The following DRICH1 variants were observed in gnomAD, a reference collection of about 807,000 sequenced individuals.
DRICH1 encodes the protein aspartate-rich protein 1.
In DRICH1, 38 loss-of-function variants were observed where a neutral mutation model predicts 39.5. The observed-to-expected ratio is 0.96, with a 90% CI of 0.74 to 1.26. The LOEUF is 1.26. DRICH1 is among the 50% of genes most tolerant of loss of function. The pLI, the probability that DRICH1 is intolerant of heterozygous loss-of-function variation, is 0.00. For missense variants in DRICH1, 279 were observed against 270.4 expected (o/e 1.03, Z -0.22); for synonymous variants, 84 against 99.5 (o/e 0.84, Z 0.93).
At chr22:23,619,480 G>A in intron 5 of DRICH1, 87 bp from the exon 6 acceptor site, 1 of 753,344 alleles carries the variant, frequency 1.3e-6, no homozygotes, top group East Asian at 2.6e-5. Flanking sequence ...AAAGAACAGT[G>A]TTGGAGGATG....
intron 3 of DRICH1, 37 bp downstream of exon 3, chr22:23,624,846 T>G (rs1927964790): frequency 1.2e-6 from 2 of 1,606,394 alleles, no homozygotes; most frequent in Non-Finnish European, 1.7e-6. Context: ...GCTAGCAAGT[T>G]TGTTTCTCAG....
At chr22:23,618,368 C>G (rs1030475610) in intron 6 of DRICH1, among the ~76,000 whole-genome samples, 1 of 151,996 alleles carries the variant, frequency 6.6e-6, no homozygotes, top group Non-Finnish European at 1.5e-5. Flanking sequence ...CCCACCTCGG[C>G]CTCCCAAAGT....
chr22:23,609,307 C>G (rs1048249188), intron 11 of DRICH1, among the ~76,000 whole-genome samples: 2 of 152,214 alleles, frequency 1.3e-5, no homozygotes, highest in African/African-American at 4.8e-5. Context: ...TTCACTAGCT[C>G]TAAAGTGGGG....
chr22:23,610,892 A>AT (rs36010947), intron 11 of DRICH1, among the ~76,000 whole-genome samples: 3,512 of 139,432 alleles, frequency 0.025, 55 homozygotes, highest in Middle Eastern at 0.081. Context: ...GATGGGCAAA[A>AT]TTTTTTTTTT....
At chr22:23,601,946 A>T in the DRICH1 span, among the ~76,000 whole-genome samples, 1 of 152,040 alleles carries the variant, frequency 6.6e-6, no homozygotes, top group Non-Finnish European at 1.5e-5. Context: ...TCACCCCTGT[A>T]ATCCCAGCAC....
chr22:23,610,697 T>C (rs147234001), intron 11 of DRICH1, among the ~76,000 whole-genome samples: 235 of 152,316 alleles, frequency 1.5e-3, no homozygotes, highest in African/African-American at 5.5e-3. Context: ...CCATTTTTAC[T>C]TATTGCCTAA....
chr22:23,591,192 G>C, the DRICH1 span, among the ~76,000 whole-genome samples: 1 of 152,174 alleles, frequency 6.6e-6, no homozygotes, highest in Non-Finnish European at 1.5e-5. Context: ...CTTCAGGCCT[G>C]CGGAATGGTT....
chr22:23,581,302 A>G, the DRICH1 span: 1 of 151,980 alleles, frequency 6.6e-6, no homozygotes, highest in African/African-American at 2.4e-5. Context: ...AGCATCCCCG[A>G]CCCTCTCCCA....
chr22:23,581,952 A>G, the DRICH1 span, among the ~76,000 whole-genome samples: 2 of 150,450 alleles, frequency 1.3e-5, no homozygotes, highest in East Asian at 2.0e-4. Flanking sequence ...AACTACATTC[A>G]CAATGTCGTG....
At chr22:23,582,554 G>GTTTATTATTATTATTATTATTATT in the DRICH1 span, among the ~76,000 whole-genome samples, 127 of 40,084 alleles carry the variant, frequency 3.2e-3, no homozygotes, top group African/African-American at 8.9e-3. Context: ...ACCTTCAGGG[G>GTTTATTATTATTATTATTATTATT]CTTATTATTA....
At chr22:23,631,255 T>C (rs1027154521) in intron 1 of DRICH1, among the ~76,000 whole-genome samples, 40 of 151,824 alleles carry the variant, frequency 2.6e-4, no homozygotes, top group Non-Finnish European at 5.1e-4. Context: ...CCGTCTCTAC[T>C]AAAAATACAA....
the DRICH1 span, among the ~76,000 whole-genome samples, chr22:23,592,702 A>C: frequency 6.6e-6 from 1 of 152,138 alleles, no homozygotes; most frequent in East Asian, 1.9e-4. Context: ...TCAAGCTTTA[A>C]GATAAGACTT....
intron 11 of DRICH1, among the ~76,000 whole-genome samples, chr22:23,610,700 T>C (rs1926981654): frequency 6.6e-6 from 1 of 152,226 alleles, no homozygotes; most frequent in Non-Finnish European, 1.5e-5. Context: ...TTTTTACTTA[T>C]TGCCTAAAGA....
chr22:23,593,644 T>TA, the DRICH1 span, among the ~76,000 whole-genome samples: 1 of 151,872 alleles, frequency 6.6e-6, no homozygotes, highest in Admixed American at 6.6e-5. Flanking sequence ...ACTAAGAATA[T>TA]AAAAATTAGC....
At chr22:23,622,295 T>C (rs555563604) in intron 3 of DRICH1, 119 bp from the exon 4 acceptor site, 1 of 892,240 alleles carries the variant, frequency 1.1e-6, no homozygotes, top group African/African-American at 1.6e-5. Flanking sequence ...ACTGAGTTAA[T>C]GCTGGGCTAT....
At chr22:23,621,841 G>A (rs1927754937) in intron 4 of DRICH1, among the ~76,000 whole-genome samples, 1 of 152,022 alleles carries the variant, frequency 6.6e-6, no homozygotes, top group South Asian at 2.1e-4. Context: ...TTGAGCCCAG[G>A]AGATGGAGCC....
At chr22:23,588,901 C>T in the DRICH1 span, among the ~76,000 whole-genome samples, 2 of 152,124 alleles carry the variant, frequency 1.3e-5, no homozygotes, top group Admixed American at 6.5e-5. Context: ...CCTTTGTCAG[C>T]GTGGCATTTC....
chr22:23,626,468 C>T (rs1426972986), intron 1 of DRICH1, among the ~76,000 whole-genome samples: 1 of 152,196 alleles, frequency 6.6e-6, no homozygotes, highest in East Asian at 1.9e-4. Context: ...GACTTCTACA[C>T]ATATTTCCTT....
In DRICH1 at chr22:23,608,670, A is replaced by C. The variant is rs1926866210; in HGVS notation, c.*94T>G. 1.6e-6 allele frequency: 2 copies of C among 1,223,910 alleles called. No individual in the cohort carries two copies. The highest frequency in any genetic ancestry group is 2.4e-6 in the Non-Finnish European group (2 of 850,872). 75.8% of individuals were successfully genotyped at this position (1,223,910 alleles called of 1,614,324 possible). On this transcript the variant is annotated 3_prime_UTR_variant, in exon 12 of 12. Coordinates refer to ENST00000317749, the MANE Select transcript of DRICH1 (RefSeq NM_016449.4). ...CAAGAGTTTTCCTCAGAATGTAGAG[A>C]GGATTGAGACCTCCAGGGGCAAAGC...
Sources: gnomAD v4.1 joint callset for allele counts (sites outside exome capture counted in the v4.1 genomes callset) on GRCh38, gnomAD v4.1.1 for gene constraint, MANE v1.5 for transcripts, NCBI Gene and HGNC (gene_info 2026-07-23, HGNC 2026-07-21) for gene names.